Variants in SLC6A16 observed in about 807,000 individuals in gnomAD.
SLC6A16 encodes the protein orphan sodium- and chloride-dependent neurotransmitter transporter NTT5.
In SLC6A16, 54 loss-of-function variants were observed where a neutral mutation model predicts 65.4. The ratio of observed to expected loss-of-function variants is 0.83; its 90% CI spans 0.66 to 1.04. The LOEUF is 1.04. Among genes scored for constraint, SLC6A16 ranks in the 50% least tolerant of loss-of-function variants. The probability of loss-of-function intolerance (pLI) is 0.00; values close to 1 mark genes in which losing one functional copy is unlikely to be tolerated. For missense variants in SLC6A16, 816 were observed against 914.0 expected (o/e 0.89, Z 1.38); for synonymous variants, 330 against 346.5 (o/e 0.95, Z 0.53).
chr19:49,322,335 A>G (rs1233992814), intron 1 of SLC6A16, among the ~76,000 whole-genome samples: 1 of 152,196 alleles, frequency 6.6e-6, no homozygotes, highest in East Asian at 1.9e-4. Flanking sequence ...CATCAGAAAG[A>G]ATAAAATACT....
chr19:49,297,024 C>T (rs1248493062), intron 7 of SLC6A16, among the ~76,000 whole-genome samples: 1 of 151,966 alleles, frequency 6.6e-6, no homozygotes, highest in African/African-American at 2.4e-5. Context: ...TTGAGGTAAA[C>T]AGAACTGTCT....
upstream of SLC6A16, chr19:49,325,237 C>G: frequency 2.0e-6 from 2 of 985,432 alleles, no homozygotes; most frequent in Non-Finnish European, 1.2e-6. Context: ...CATGCGCCGC[C>G]GCGCCCCCTC....
At chr19:49,339,389 T>C in the SLC6A16 span, 2 of 1,613,976 alleles carry the variant, frequency 1.2e-6, no homozygotes, top group South Asian at 1.1e-5. The surrounding 1 kb of genome is among the most constrained non-coding windows in gnomAD (Gnocchi z 4.5). Flanking sequence ...TAGTGGGCAT[T>C]TGCCTGGGCG....
intron 7 of SLC6A16, among the ~76,000 whole-genome samples, chr19:49,306,570 G>GTC (rs1301646477): frequency 1.4e-5 from 2 of 139,840 alleles, no homozygotes; most frequent in Non-Finnish European, 3.0e-5. Flanking sequence ...TTGAGAGAGA[G>GTC]TCTCACTCTG....
At chr19:49,321,110 C>CA (rs998810408) in intron 1 of SLC6A16, among the ~76,000 whole-genome samples, 13 of 151,570 alleles carry the variant, frequency 8.6e-5, no homozygotes, top group Admixed American at 2.0e-4. Context: ...CAAAAATCCT[C>CA]AAAAAAAATA....
At position 49,316,645 on chromosome 19, in the gene SLC6A16, A is replaced by G. The variant is rs187172855; in HGVS notation, c.-64-5234T>C. On this transcript the variant is annotated intron_variant, in intron 1 of 11. Coordinates refer to ENST00000335875, the MANE Select transcript of SLC6A16 (RefSeq NM_014037.3). ...TATGAACTCTTAAAATTAACCAACCAGGGATCTTTTCCAACCCAGAGGCCA... is the reference window on the plus strand; with the variant it reads ...TATGAACTCTTAAAATTAACCAACCGGGGATCTTTTCCAACCCAGAGGCCA... Among the ~76,000 whole-genome samples the G allele has an allele frequency of 3.3e-3, 502 of 152,232 alleles. 2 individuals are homozygous for G. The highest frequency in any genetic ancestry group is 0.011 in the African/African-American group (473 of 41,552).
intron 1 of SLC6A16, among the ~76,000 whole-genome samples, chr19:49,322,194 T>C (rs2146177172): frequency 6.6e-6 from 1 of 152,200 alleles, no homozygotes; most frequent in South Asian, 2.1e-4. Flanking sequence ...CCAAAAAAAT[T>C]TTTGAGCTAA....
the SLC6A16 span, among the ~76,000 whole-genome samples, chr19:49,334,593 G>A: frequency 2.0e-5 from 3 of 152,318 alleles, no homozygotes; most frequent in African/African-American, 7.2e-5. Context: ...CACTTTGGGA[G>A]GCCAAGGCAG....
At chr19:49,328,563 T>C (rs1266529388), upstream of SLC6A16, among the ~76,000 whole-genome samples, 1 of 152,244 alleles carries the variant, frequency 6.6e-6, no homozygotes. Flanking sequence ...GCAATGGAGA[T>C]GGTGAAAAGT....
chr19:49,323,463 T>C (rs1970748593), intron 1 of SLC6A16, among the ~76,000 whole-genome samples: 1 of 152,132 alleles, frequency 6.6e-6, no homozygotes, highest in African/African-American at 2.4e-5. Context: ...ATCATATGTA[T>C]AATAAGAGAT....
At chr19:49,331,115 C>T in the SLC6A16 span, among the ~76,000 whole-genome samples, 5 of 152,110 alleles carry the variant, frequency 3.3e-5, no homozygotes, top group South Asian at 2.1e-4. Flanking sequence ...GGTGTCAGCA[C>T]GCCACTTCCT....
intron 7 of SLC6A16, among the ~76,000 whole-genome samples, chr19:49,304,228 A>G (rs951186828): frequency 2.0e-5 from 3 of 152,242 alleles, no homozygotes; most frequent in African/African-American, 7.2e-5. Context: ...TAGCAAATTG[A>G]GTCAAGGAAG....
chr19:49,299,997 C>CAAA (rs889761825), intron 7 of SLC6A16, among the ~76,000 whole-genome samples: 38 of 48,650 alleles, frequency 7.8e-4, no homozygotes, highest in African/African-American at 1.6e-3. Flanking sequence ...GACTCTGTCT[C>CAAA]AAAAAAAAAA....
chr19:49,335,691 G>C, the SLC6A16 span: 1 of 1,613,172 alleles, frequency 6.2e-7, no homozygotes, highest in South Asian at 1.1e-5. The surrounding 1 kb of genome is among the most constrained non-coding windows in gnomAD (Gnocchi z 4.6). Flanking sequence ...GCCCACCCCC[G>C]TATCCGCATC....
At chr19:49,328,590 T>C (rs1183926718), upstream of SLC6A16, among the ~76,000 whole-genome samples, 1 of 152,250 alleles carries the variant, frequency 6.6e-6, no homozygotes, top group Non-Finnish European at 1.5e-5. Context: ...ATTCTGGATC[T>C]ATTTCAAGAA....
upstream of SLC6A16, among the ~76,000 whole-genome samples, chr19:49,330,137 C>T (rs769364250): frequency 1.1e-4 from 16 of 150,816 alleles, no homozygotes; most frequent in Non-Finnish European, 1.8e-4. Context: ...GACTCCAAAA[C>T]TTTGGGCCTG....
intron 1 of SLC6A16, among the ~76,000 whole-genome samples, chr19:49,315,050 C>A (rs141354981): frequency 7.4e-5 from 11 of 148,282 alleles, no homozygotes; most frequent in South Asian, 2.2e-4. Flanking sequence ...AAAAAAAAAA[C>A]CAATGATTTT....
chr19:49,329,871 G>C (rs1970832062), upstream of SLC6A16, among the ~76,000 whole-genome samples: 1 of 151,848 alleles, frequency 6.6e-6, no homozygotes, highest in South Asian at 2.1e-4. Flanking sequence ...CTGAACTCGT[G>C]ATCCGCCCGC....
intron 7 of SLC6A16, among the ~76,000 whole-genome samples, chr19:49,297,757 T>C (rs1420830194): frequency 1.3e-5 from 2 of 151,778 alleles, no homozygotes; most frequent in African/African-American, 2.4e-5. Flanking sequence ...TACTTAGGAA[T>C]AAAAAGGAAC....
Sources: allele counts gnomAD v4.1 joint callset (sites outside exome capture counted in the v4.1 genomes callset), GRCh38; gene constraint gnomAD v4.1.1; non-coding constraint Gnocchi (gnomAD v3.1); transcripts MANE v1.5; gene names NCBI Gene and HGNC (gene_info 2026-07-23, HGNC 2026-07-21).